Variants in ZFHX3 observed in about 807,000 individuals in gnomAD.
The protein encoded by ZFHX3 is zinc finger homeobox 3.
Under a neutral mutation model 279.1 loss-of-function variants are expected in ZFHX3, and 42 were observed. The observed-to-expected ratio is 0.15, with a 90% CI of 0.12 to 0.19. The LOEUF is 0.19. Ranked by LOEUF, ZFHX3 falls within the 10% of genes least tolerant of loss-of-function variation. The pLI, the probability that ZFHX3 is intolerant of heterozygous loss-of-function variation, is 1.00. For missense variants in ZFHX3, 4,981 were observed against 4,754.0 expected, an observed-to-expected ratio of 1.05 and a Z score of -1.40; for synonymous variants, 2,293 against 1,957.8, an observed-to-expected ratio of 1.17 and a Z score of -4.52.
intron 3 of ZFHX3, among the ~76,000 whole-genome samples, chr16:73,392,418 C>CA (rs35019692): frequency 0.023 from 830 of 35,754 alleles, 84 homozygotes; most frequent in African/African-American, 0.084. Context: ...GACCCTGTCT[C>CA]AAAAAAAAAA....
intron 1 of ZFHX3, among the ~76,000 whole-genome samples, chr16:73,705,683 C>CA (rs1402127081): frequency 1.1e-4 from 16 of 152,270 alleles, no homozygotes; most frequent in Middle Eastern, 6.8e-3. Flanking sequence ...TGTGCTTTAA[C>CA]ATTGAGTGTG....
rs1433153528 is a variant in ZFHX3, at chr16:73,349,633, C to T, written c.-1290-31297G>A. Among the ~76,000 whole-genome samples, 4 of 56,852 alleles carry T rather than the reference C, an allele frequency of 7.0e-5. 1 individual carries two copies. Among genetic ancestry groups the T allele is most frequent in the Non-Finnish European group, 1.6e-4 (4 of 25,022 alleles). 37.3% of individuals were successfully genotyped at this position (56,852 alleles called of 152,430 possible). A position where few individuals can be genotyped will look rare whatever the true frequency, so the allele number is the denominator to read the frequency against. On this transcript the variant is annotated intron_variant, in intron 3 of 17. Transcript: ENST00000641206. The stretch of plus-strand genomic sequence containing the variant: ...TACTTCCTCCCTCCCTTCCTCCCTC[C>T]CTCCCTCCCTCCCTCTCTCCCTCCT...
At chr16:72,804,291 T>G (rs1179417113) in intron 7 of ZFHX3, among the ~76,000 whole-genome samples, 7 of 152,212 alleles carry the variant, frequency 4.6e-5, no homozygotes, top group Non-Finnish European at 8.8e-5. Flanking sequence ...ACAGGATCCA[T>G]GTGCTGCATG....
At chr16:72,879,143 C>T (rs189323372) in intron 4 of ZFHX3, among the ~76,000 whole-genome samples, 1 of 152,194 alleles carries the variant, frequency 6.6e-6, no homozygotes, top group Non-Finnish European at 1.5e-5. Context: ...TAACAATATA[C>T]ACACTGGGAT....
intron 7 of ZFHX3, among the ~76,000 whole-genome samples, chr16:72,808,272 G>A (rs917873841): frequency 6.6e-6 from 1 of 152,132 alleles, no homozygotes; most frequent in Non-Finnish European, 1.5e-5. Context: ...CAGTATTCCA[G>A]TCCTCAAATA....
At chr16:73,350,725 G>T (rs1027454477) in intron 3 of ZFHX3, among the ~76,000 whole-genome samples, 1 of 152,228 alleles carries the variant, frequency 6.6e-6, no homozygotes, top group African/African-American at 2.4e-5. Flanking sequence ...GAGATGGTTG[G>T]CTGCTGTTTA....
intron 2 of ZFHX3, among the ~76,000 whole-genome samples, chr16:73,556,057 G>A (rs1401487022): frequency 6.6e-6 from 1 of 152,118 alleles, no homozygotes; most frequent in African/African-American, 2.4e-5. Context: ...CAGAGATGAG[G>A]AAGCAGCCGG....
chr16:73,348,088 G>A (rs752677530), intron 3 of ZFHX3, among the ~76,000 whole-genome samples: 1 of 151,996 alleles, frequency 6.6e-6, no homozygotes, highest in Non-Finnish European at 1.5e-5. Context: ...TATAAACAAG[G>A]CCTCTCCATC....
chr16:73,210,002 T>C (rs1255292469), intron 5 of ZFHX3, among the ~76,000 whole-genome samples: 1 of 152,124 alleles, frequency 6.6e-6, no homozygotes, highest in Non-Finnish European at 1.5e-5. Context: ...CACACATTTG[T>C]AAATAACTTT....
intron 3 of ZFHX3, among the ~76,000 whole-genome samples, chr16:73,336,753 C>T (rs1323392424): frequency 6.6e-6 from 1 of 152,116 alleles, no homozygotes; most frequent in Non-Finnish European, 1.5e-5. Flanking sequence ...ATTCTGGGTT[C>T]AAACCTTTCA....
chr16:72,958,685 T>C lies in ZFHX3; in HGVS notation c.1461A>G (p.Glu487=). 2 of 1,611,512 alleles carry C rather than the reference T, an allele frequency of 1.2e-6. No homozygotes were observed. Among genetic ancestry groups the C allele is most frequent in the South Asian group, 2.2e-5 (2 of 90,900 alleles). The part of the protein sequence containing the change: ...EEEEEEEEEE[E]DEGCKGLFPS... ...GAAAGAGTCCTTTGCAACCCTCGTC[T>C]TCCTCCTCCTCTTCTTCCTCCTCCT... Residue 487 remains glutamate (E), a synonymous_variant, in exon 2 of 10, where the codon GAA becomes GAG. Coordinates refer to ENST00000268489, the MANE Select transcript of ZFHX3 (RefSeq NM_006885.4).
At chr16:72,929,406 T>A (rs901711240) in intron 3 of ZFHX3, among the ~76,000 whole-genome samples, 1 of 152,098 alleles carries the variant, frequency 6.6e-6, no homozygotes, top group Non-Finnish European at 1.5e-5. Context: ...AAAGCTAAGT[T>A]TGAAAAAGCT....
At chr16:72,980,874 C>A (rs1962567903) in intron 1 of ZFHX3, among the ~76,000 whole-genome samples, 2 of 152,086 alleles carry the variant, frequency 1.3e-5, no homozygotes, top group Non-Finnish European at 2.9e-5. Flanking sequence ...ACAAATCTAG[C>A]CAAAAGTTCA....
At chr16:73,041,298 GTCCTTTCCCACAAGGTGTAAAAGT>G (rs1306154334) in intron 1 of ZFHX3, among the ~76,000 whole-genome samples, 1 of 152,074 alleles carries the variant, frequency 6.6e-6, no homozygotes, top group Non-Finnish European at 1.5e-5. Context: ...TATATTGACA[GTCCTTTCCCACAAGGTGTAAAAGT>G]TCTCTGCTTT....
At chr16:73,414,614 T>C (rs13335110) in intron 3 of ZFHX3, among the ~76,000 whole-genome samples, 9,899 of 152,206 alleles carry the variant, frequency 0.065, 879 homozygotes, top group African/African-American at 0.19. Flanking sequence ...GATGAGAGAA[T>C]TGCTTGAGCC....
chr16:72,873,009 T>C (rs901063480), intron 4 of ZFHX3, among the ~76,000 whole-genome samples: 2 of 152,184 alleles, frequency 1.3e-5, no homozygotes, highest in Admixed American at 6.5e-5. Context: ...CTTTCCAGTT[T>C]CAGCCTGACT....
chr16:73,488,218 A>G (rs1165442988), intron 2 of ZFHX3, among the ~76,000 whole-genome samples: 2 of 152,182 alleles, frequency 1.3e-5, no homozygotes, highest in Admixed American at 1.3e-4. Context: ...GAAGAAAGCT[A>G]AAGGAATGGT....
At chr16:72,948,352 C>T (rs149982440) in intron 3 of ZFHX3, among the ~76,000 whole-genome samples, 8 of 152,268 alleles carry the variant, frequency 5.3e-5, no homozygotes, top group Non-Finnish European at 1.0e-4. Context: ...CCCTTCTACC[C>T]ACGCCATCTT....
intron 3 of ZFHX3, among the ~76,000 whole-genome samples, chr16:72,913,328 T>C (rs1443957567): frequency 6.6e-6 from 1 of 152,242 alleles, no homozygotes; most frequent in Non-Finnish European, 1.5e-5. Context: ...AGCACTGAAA[T>C]GTCATTCTCC....
Sources: allele counts gnomAD v4.1 joint callset (sites outside exome capture counted in the v4.1 genomes callset), GRCh38; gene constraint gnomAD v4.1.1; transcripts MANE v1.5; gene names NCBI Gene and HGNC (gene_info 2026-07-23, HGNC 2026-07-21).